The following HTRA1 variants were observed in gnomAD, a reference collection of about 807,000 sequenced individuals.
HTRA1 encodes serine protease HTRA1.
Under a neutral mutation model 49.7 loss-of-function variants are expected in HTRA1, and 26 were observed. The observed-to-expected ratio is 0.52, with a 90% CI of 0.38 to 0.73. The LOEUF (loss-of-function observed/expected upper bound fraction) is 0.73. Ranked by LOEUF, HTRA1 falls within the 30% of genes least tolerant of loss-of-function variation. HTRA1 has a pLI of 0.00. For synonymous variants in HTRA1, 291 were observed against 286.9 expected, an observed-to-expected ratio of 1.01 and a Z score of -0.14; for missense variants, 561 against 667.2, an observed-to-expected ratio of 0.84 and a Z score of 1.75.
intron 1 of HTRA1, among the ~76,000 whole-genome samples, chr10:122,486,303 G>T (rs1160598832): frequency 6.6e-6 from 1 of 152,042 alleles, no homozygotes; most frequent in Non-Finnish European, 1.5e-5. Context: ...TTAAATTAAG[G>T]CAGCCAATGA....
chr10:122,467,643 A>T (rs755409284), intron 1 of HTRA1, among the ~76,000 whole-genome samples: 8 of 152,068 alleles, frequency 5.3e-5, no homozygotes, highest in Non-Finnish European at 8.8e-5. Flanking sequence ...TGACATGTTC[A>T]TCTCCAAGAG....
chr10:122,481,844 G>T (rs909036318), intron 1 of HTRA1, among the ~76,000 whole-genome samples: 2 of 152,130 alleles, frequency 1.3e-5, no homozygotes, highest in East Asian at 1.9e-4. Context: ...CCCTGCACAA[G>T]CTCTCTCTCT....
At chr10:122,499,908 A>G (rs1202710816) in intron 3 of HTRA1, among the ~76,000 whole-genome samples, 1 of 152,212 alleles carries the variant, frequency 6.6e-6, no homozygotes, top group Non-Finnish European at 1.5e-5. Context: ...AGCCTCCAGA[A>G]ATGATGCAGT....
At position 122,490,672 on chromosome 10, in the gene HTRA1, C is replaced by T. The variant is rs1222974113; in HGVS notation, c.777+1046C>T. ...CTCTTGTCCAGCCCTCTGCTTGCCT[C>T]GCTTTACCTGGGTGTGGGCTGAGTA... On this transcript the variant is annotated intron_variant, in intron 3 of 8. Coordinates refer to ENST00000368984, the MANE Select transcript of HTRA1 (RefSeq NM_002775.5). This position sits in a 1 kb window ranked among gnomAD's most constrained non-coding sequence, Gnocchi z 4.2. Among the ~76,000 whole-genome samples, 2 of 152,124 alleles carry T rather than the reference C, an allele frequency of 1.3e-5. No individual in the cohort carries two copies. Among genetic ancestry groups the T allele is most frequent in the Admixed American group, 6.5e-5 (1 of 15,268 alleles).
Position 122,506,550 on chromosome 10 carries a change from AGTTGTGAGCTCAGTTCC to A in HTRA1, c.778-140_778-124del. The A allele has an allele frequency of 1.4e-6, 1 of 729,888 alleles. No individual in the cohort carries two copies. Among genetic ancestry groups the A allele is most frequent in the Non-Finnish European group, 2.4e-6 (1 of 413,028 alleles). 45.2% of individuals were successfully genotyped at this position (729,888 alleles called of 1,614,324 possible). ...GTCCTGCCCGCAGCAAAGGGATGTT[AGTTGTGAGCTCAGTTCC>A]CCACCGGGCCTGGTGTTTCCAAATA... is the stretch of plus-strand genomic sequence containing the variant. On this transcript the variant is annotated intron_variant, in intron 3 of 8. Transcript: ENST00000368984. This position sits in a 1 kb window ranked among gnomAD's most constrained non-coding sequence, Gnocchi z 5.2.
chr10:122,473,505 A>G (rs2097487041), intron 1 of HTRA1, among the ~76,000 whole-genome samples: 1 of 152,244 alleles, frequency 6.6e-6, no homozygotes, highest in Non-Finnish European at 1.5e-5. Flanking sequence ...GGAGCTGCAT[A>G]TACAAAATTA....
intron 6 of HTRA1, among the ~76,000 whole-genome samples, chr10:122,509,743 G>A (rs910817097): frequency 1.3e-5 from 2 of 152,214 alleles, no homozygotes; most frequent in African/African-American, 4.8e-5. Flanking sequence ...CCAGCCATCT[G>A]GATGAGACAT....
chr10:122,483,907 C>T (rs956021847), intron 1 of HTRA1, among the ~76,000 whole-genome samples: 2 of 152,106 alleles, frequency 1.3e-5, no homozygotes, highest in East Asian at 3.9e-4. Context: ...TATTTATTGA[C>T]CTCTTATCCT....
intron 3 of HTRA1, among the ~76,000 whole-genome samples, chr10:122,491,715 CCTGACTCCTGCTGT>C (rs1474512941): frequency 6.6e-6 from 1 of 152,206 alleles, no homozygotes; most frequent in East Asian, 1.9e-4. Flanking sequence ...GTGTGTCTGA[CCTGACTCCTGCTGT>C]CTTGGGAGTT....
In HTRA1 at chr10:122,506,022, C is replaced by G. The variant is rs1045486567; in HGVS notation, c.778-669C>G. ...AGGGCTTCTGGAGTTGGCCAATTAG[C>G]CTGCCCAGACCAGGAAGCACAGGTG... On this transcript the variant is annotated intron_variant, in intron 3 of 8. Transcript: ENST00000368984. The surrounding 1 kb of genome is among the most constrained non-coding windows in gnomAD (Gnocchi z 5.2). Among the ~76,000 whole-genome samples, 1 of 151,494 alleles carries G rather than the reference C, an allele frequency of 6.6e-6. No individual in the cohort carries two copies. Among genetic ancestry groups the G allele is most frequent in the Admixed American group, 6.6e-5 (1 of 15,200 alleles).
At chr10:122,476,072 C>T (rs1473682856) in intron 1 of HTRA1, among the ~76,000 whole-genome samples, 3 of 152,306 alleles carry the variant, frequency 2.0e-5, no homozygotes, top group South Asian at 4.2e-4. Context: ...AGACAGGAGG[C>T]CCCCTCCCCT....
Position 122,506,762 on chromosome 10 carries a change from A to G in HTRA1, c.849A>G (p.Gly283=), listed in dbSNP as rs758291266. Residue 283 remains glycine, a synonymous_variant, in exon 4 of 9, where the codon GGA becomes GGG. Coordinates refer to ENST00000368984, the MANE Select transcript of HTRA1 (RefSeq NM_002775.5). The surrounding 1 kb of genome is among the most constrained non-coding windows in gnomAD (Gnocchi z 5.2). ...LRPGEFVVAI[G]SPFSLQNTVT... ...CGGGAGAGTTCGTGGTCGCCATCGGAAGCCCGTTTTCCCTTCAAAACACAG... is the reference window on the plus strand; with the variant it reads ...CGGGAGAGTTCGTGGTCGCCATCGGGAGCCCGTTTTCCCTTCAAAACACAG... 5 of 1,613,694 alleles carry G rather than the reference A, an allele frequency of 3.1e-6. No individual in the cohort carries two copies. Among genetic ancestry groups the G allele is most frequent in the Non-Finnish European group, 4.2e-6 (5 of 1,180,002 alleles).
intron 1 of HTRA1, among the ~76,000 whole-genome samples, chr10:122,472,587 G>T (rs551431218): frequency 3.9e-5 from 6 of 152,122 alleles, no homozygotes; most frequent in African/African-American, 1.4e-4. Context: ...AGTAGAGACA[G>T]TTTCGCCATG....
In HTRA1 at chr10:122,490,592, G is replaced by C. The variant is rs183311228; in HGVS notation, c.777+966G>C. Among the ~76,000 whole-genome samples the C allele has an allele frequency of 6.6e-6, 1 of 152,302 alleles. No homozygotes were observed. The highest frequency in any genetic ancestry group is 2.4e-5 in the African/African-American group (1 of 41,548). On this transcript the variant is annotated intron_variant, in intron 3 of 8. Coordinates refer to ENST00000368984, the MANE Select transcript of HTRA1 (RefSeq NM_002775.5). This position sits in a 1 kb window ranked among gnomAD's most constrained non-coding sequence, Gnocchi z 4.2. Reference sequence around the variant, plus strand: ...TCAGATGGAGGGAACAATCAGAGGAGGCTGGAATCCTGCCTCTGACCAAGG... The same window carrying C: ...TCAGATGGAGGGAACAATCAGAGGACGCTGGAATCCTGCCTCTGACCAAGG...
intron 5 of HTRA1, among the ~76,000 whole-genome samples, chr10:122,508,185 C>T (rs751200957): frequency 9.9e-5 from 15 of 152,184 alleles, no homozygotes; most frequent in East Asian, 3.9e-4. Flanking sequence ...TGCCTCCCCG[C>T]GCAGCACTTG....
chr10:122,463,899 T>C (rs924989722), intron 1 of HTRA1, among the ~76,000 whole-genome samples: 2 of 152,134 alleles, frequency 1.3e-5, no homozygotes, highest in Non-Finnish European at 2.9e-5. Flanking sequence ...GGTGAATAGA[T>C]CAGTGTGGCT....
intron 1 of HTRA1, among the ~76,000 whole-genome samples, chr10:122,477,653 C>G (rs188255746): frequency 6.6e-6 from 1 of 152,288 alleles, no homozygotes; most frequent in East Asian, 1.9e-4. Context: ...CCAGAGAGAG[C>G]GGCAGTGTGT....
At chr10:122,505,116 C>A (rs1053783400) in intron 3 of HTRA1, among the ~76,000 whole-genome samples, 2 of 152,234 alleles carry the variant, frequency 1.3e-5, no homozygotes, top group African/African-American at 2.4e-5. Context: ...GCTTCATTCT[C>A]ACAGTGGACC....
Position 122,506,486 on chromosome 10 carries a change from G to T in HTRA1, c.778-205G>T, listed in dbSNP as rs2097503110. 6.6e-6 allele frequency among the ~76,000 whole-genome samples: 1 copy of T among 152,082 alleles called. No individual in the cohort carries two copies. The highest frequency in any genetic ancestry group is 2.4e-5 in the African/African-American group (1 of 41,414). ...CTTCAGTGTTCACTGGCTCCCGCAC[G>T]GCTTGCAATGTGTGGATTACGGGTG... On this transcript the variant is annotated intron_variant, in intron 3 of 8. Coordinates refer to ENST00000368984, the MANE Select transcript of HTRA1 (RefSeq NM_002775.5). The surrounding 1 kb of genome is among the most constrained non-coding windows in gnomAD (Gnocchi z 5.2).
Sources: allele counts gnomAD v4.1 joint callset (sites outside exome capture counted in the v4.1 genomes callset), GRCh38; gene constraint gnomAD v4.1.1; non-coding constraint Gnocchi (gnomAD v3.1); transcripts MANE v1.5; gene names NCBI Gene and HGNC (gene_info 2026-07-23, HGNC 2026-07-21).